Variants in ALG13 observed in about 807,000 individuals in gnomAD.
ALG13 encodes ALG13 UDP-N-acetylglucosaminyltransferase subunit.
Under a neutral mutation model 87.8 loss-of-function variants are expected in ALG13, and 11 were observed. The observed-to-expected ratio is 0.13, with a 90% CI of 0.08 to 0.21. The LOEUF (loss-of-function observed/expected upper bound fraction) is 0.21, where lower values mean the gene tolerates loss of function less well. ALG13 is among the 10% of genes least tolerant of loss of function. The pLI, the probability that ALG13 is intolerant of heterozygous loss-of-function variation, is 1.00. For missense variants in ALG13, 756 were observed against 866.1 expected, an observed-to-expected ratio of 0.87 and a Z score of 1.60; for synonymous variants, 320 against 306.3, an observed-to-expected ratio of 1.04 and a Z score of -0.47.
intron 21 of ALG13, among the ~76,000 whole-genome samples, chrX:111,730,900 C>G (rs1468931699): frequency 8.9e-6 from 1 of 112,176 alleles, no homozygotes; most frequent in African/African-American, 3.2e-5. Flanking sequence ...TGTAGAAGGG[C>G]TTGCTCAGGT....
At position 111,708,411 on chromosome X, in the gene ALG13, C is replaced by T; in HGVS notation, c.750+18C>T. On this transcript the variant is annotated intron_variant, in intron 4 of 26. Coordinates refer to ENST00000394780, the MANE Select transcript of ALG13 (RefSeq NM_001099922.3). ...CGGAGCAGGTAAAAGGAAAACATAT[C>T]TTCCCTGTACTGAGTTTTCAGAGTT... The T allele has an allele frequency of 1.7e-6, 2 of 1,189,047 alleles. No homozygotes were observed. The highest frequency in any genetic ancestry group is 2.3e-6 in the Non-Finnish European group (2 of 883,389).
At chrX:111,681,807 C>G in intron 1 of ALG13, 1 of 848,164 alleles carries the variant, frequency 1.2e-6, no homozygotes, top group Non-Finnish European at 1.4e-6. Flanking sequence ...TCAGGGCTCC[C>G]GGTTCTCGCA....
At chrX:111,707,880 A>G (rs950728377) in intron 3 of ALG13, 147 bp from the exon 4 acceptor site, 2 of 646,727 alleles carry the variant, frequency 3.1e-6, no homozygotes, top group Non-Finnish European at 4.5e-6. Context: ...TACTTTTCTC[A>G]ACCTTGGTCT....
At chrX:111,759,081 G>A (rs1945521367) in intron 26 of ALG13, among the ~76,000 whole-genome samples, 1 of 105,314 alleles carries the variant, frequency 9.5e-6, no homozygotes, top group Non-Finnish European at 1.9e-5. Context: ...ATTTTTAATT[G>A]TAGTTAACTA....
At chrX:111,683,127 A>G (rs1933923857) in intron 2 of ALG13, among the ~76,000 whole-genome samples, 1 of 109,987 alleles carries the variant, frequency 9.1e-6, no homozygotes, top group Non-Finnish European at 1.9e-5. Context: ...CACTGCTCTG[A>G]ATGCTTTGTG....
intron 25 of ALG13, among the ~76,000 whole-genome samples, chrX:111,753,845 A>C (rs182446947): frequency 2.6e-3 from 290 of 112,040 alleles, no homozygotes; most frequent in Non-Finnish European, 3.8e-3. Context: ...TACCAGAGGT[A>C]CAAAGAGGAG....
At position 111,736,895 on chromosome X, in the gene ALG13, A is replaced by G. The variant is rs1172441010; in HGVS notation, c.2695+16A>G. 2.5e-6 allele frequency: 3 copies of G among 1,181,690 alleles called. No homozygotes were observed. The East Asian group carries it at 9.1e-5, about 36-fold the overall frequency. On this transcript the variant is annotated intron_variant, in intron 23 of 26. Transcript: ENST00000394780. ...GGCAGGCCAGGTAGGTTATTAGCAG[A>G]TGCTTACTTTGGAAGCCTCTTTTCC...
intron 3 of ALG13, among the ~76,000 whole-genome samples, chrX:111,693,382 A>G (rs1936482660): frequency 9.3e-6 from 1 of 107,547 alleles, no homozygotes; most frequent in Non-Finnish European, 1.9e-5. Flanking sequence ...AGTAGCTGGG[A>G]TTACAGGTAT....
intron 21 of ALG13, among the ~76,000 whole-genome samples, chrX:111,733,573 C>A (rs190270819): frequency 2.7e-5 from 3 of 111,730 alleles, no homozygotes; most frequent in Admixed American, 1.9e-4. Flanking sequence ...CATATTCTTG[C>A]GATTGCAAAC....
chrX:111,742,913 C>G (rs1050740774), intron 23 of ALG13, among the ~76,000 whole-genome samples: 3 of 112,374 alleles, frequency 2.7e-5, no homozygotes, highest in African/African-American at 9.7e-5. Flanking sequence ...TGAGACATCC[C>G]TTGAAGTGTA....
At position 111,707,429 on chromosome X, in the gene ALG13, G is replaced by A. The variant is rs182447254; in HGVS notation, c.384-598G>A. On this transcript the variant is annotated intron_variant, in intron 3 of 26. Transcript: ENST00000394780. Reference sequence around the variant, plus strand: ...GCATGGCTAATAAGATTTAGTTTCTGTGATCCTGGCAGAGATTATTATCTA... The same window carrying A: ...GCATGGCTAATAAGATTTAGTTTCTATGATCCTGGCAGAGATTATTATCTA... 1.3e-4 allele frequency among the ~76,000 whole-genome samples: 15 copies of A among 112,185 alleles called. No homozygotes were observed. In the East Asian group the frequency reaches 4.2e-3, roughly 31 times the overall value.
At chrX:111,694,210 A>AT (rs1435950409) in intron 3 of ALG13, among the ~76,000 whole-genome samples, 5 of 108,085 alleles carry the variant, frequency 4.6e-5, no homozygotes, top group Admixed American at 9.9e-5. Flanking sequence ...TGCCCAGCTA[A>AT]TTTTTTTTGT....
At chrX:111,681,851 G>A (rs1490024086) in intron 1 of ALG13, 21 of 888,321 alleles carry the variant, frequency 2.4e-5, no homozygotes, top group Non-Finnish European at 8.3e-6. Context: ...GTAGTGCCTG[G>A]GTTCCCCCCG....
At position 111,711,671 on chromosome X, in the gene ALG13, G is replaced by A. The variant is rs1365926313; in HGVS notation, c.835-4G>A. The A allele has an allele frequency of 8.3e-7, 1 of 1,202,859 alleles. No individual in the cohort carries two copies. Among genetic ancestry groups the A allele is most frequent in the Non-Finnish European group, 1.1e-6 (1 of 890,820 alleles). ...GTTAAGTTGAGTTTGTTTTATTTTT[G>A]AAGTATGTGGAGGGATCTTTTGAGA... is the stretch of plus-strand genomic sequence containing the variant. On this transcript the variant is annotated splice_region_variant and splice_polypyrimidine_tract_variant and intron_variant, in intron 5 of 26. Coordinates refer to ENST00000394780, the MANE Select transcript of ALG13 (RefSeq NM_001099922.3).
Position 111,728,181 on chromosome X carries a change from A to G in ALG13, c.2248-4A>G, listed in dbSNP as rs370438099. ...TGCAGTGTGTGTGTGTCTCTCTGATACAGAATCATGGAGGTCCCTCTACAA... is the reference window on the plus strand; with the variant it reads ...TGCAGTGTGTGTGTGTCTCTCTGATGCAGAATCATGGAGGTCCCTCTACAA... On this transcript the variant is annotated splice_region_variant and splice_polypyrimidine_tract_variant and intron_variant, in intron 18 of 26. Coordinates refer to ENST00000394780, the MANE Select transcript of ALG13 (RefSeq NM_001099922.3). The G allele has an allele frequency of 3.7e-3, 4,423 of 1,209,347 alleles. 30 individuals are homozygous for G. The highest frequency in any genetic ancestry group is 0.019 in the South Asian group (1,059 of 56,754).
chrX:111,693,928 G>A (rs141138899), intron 3 of ALG13, among the ~76,000 whole-genome samples: 359 of 111,321 alleles, frequency 3.2e-3, no homozygotes, highest in Non-Finnish European at 5.1e-3. Context: ...TCATTTCTTG[G>A]TCATTGTTTA....
intron 26 of ALG13, 105 bp from the exon 27 acceptor site, chrX:111,759,629 A>T: frequency 1.6e-6 from 1 of 619,017 alleles, no homozygotes; most frequent in Non-Finnish European, 2.4e-6. Flanking sequence ...TCTTTCTTAT[A>T]GTTAGTTTTA....
intron 25 of ALG13, among the ~76,000 whole-genome samples, chrX:111,753,670 C>T (rs1422067474): frequency 8.9e-6 from 1 of 111,932 alleles, no homozygotes; most frequent in Non-Finnish European, 1.9e-5. Flanking sequence ...ACTAGAAAAT[C>T]TAGAAGAAAT....
At chrX:111,713,929 C>G (rs1423064418) in intron 8 of ALG13, among the ~76,000 whole-genome samples, 1 of 111,529 alleles carries the variant, frequency 9.0e-6, no homozygotes, top group African/African-American at 3.3e-5. Flanking sequence ...AAAGAAAAGC[C>G]CTTTATCCTG....
Sources: gnomAD v4.1 joint callset for allele counts (sites outside exome capture counted in the v4.1 genomes callset) on GRCh38, gnomAD v4.1.1 for gene constraint, MANE v1.5 for transcripts, NCBI Gene and HGNC (gene_info 2026-07-23, HGNC 2026-07-21) for gene names.